The following PDE1A variants were observed in gnomAD, a reference collection of about 807,000 sequenced individuals.
PDE1A encodes dual specificity calcium/calmodulin-dependent 3',5'-cyclic nucleotide phosphodiesterase 1A.
Under a neutral mutation model 61.7 loss-of-function variants are expected in PDE1A, and 35 were observed. The observed-to-expected ratio is 0.57, with a 90% CI of 0.43 to 0.75. The LOEUF is 0.75. Ranked by LOEUF, PDE1A falls within the 30% of genes least tolerant of loss-of-function variation. PDE1A has a pLI of 0.00. For synonymous variants in PDE1A, 232 were observed against 213.2 expected (o/e 1.09, Z -0.77); for missense variants, 597 against 630.6 (o/e 0.95, Z 0.57).
intron 3 of PDE1A, among the ~76,000 whole-genome samples, chr2:182,238,402 G>C (rs1337303161): frequency 6.6e-6 from 1 of 152,060 alleles, no homozygotes; most frequent in African/African-American, 2.4e-5. Flanking sequence ...AGTTACTGTC[G>C]TATTTCTGAA....
the PDE1A span, among the ~76,000 whole-genome samples, chr2:182,626,738 C>CATATAT: frequency 7.2e-5 from 1 of 13,962 alleles, no homozygotes; most frequent in Non-Finnish European, 1.2e-4. Flanking sequence ...TATATATATA[C>CATATAT]ATATATATAC....
chr2:182,171,619 T>A (rs1050153928), intron 13 of PDE1A, among the ~76,000 whole-genome samples: 1 of 151,698 alleles, frequency 6.6e-6, no homozygotes, highest in East Asian at 1.9e-4. Flanking sequence ...ACAACAGAGC[T>A]TCCAATAATT....
At chr2:182,544,215 A>C in the PDE1A span, among the ~76,000 whole-genome samples, 1 of 152,200 alleles carries the variant, frequency 6.6e-6, no homozygotes, top group South Asian at 2.1e-4. Flanking sequence ...GGCAACCAAG[A>C]CTGGGTGATA....
At chr2:182,304,182 G>A (rs73038154) in intron 1 of PDE1A, among the ~76,000 whole-genome samples, 7,221 of 152,092 alleles carry the variant, frequency 0.047, 556 homozygotes, top group African/African-American at 0.16. Flanking sequence ...ATACCCGGCC[G>A]ATGGCTTCTT....
At chr2:182,376,209 T>A (rs947324139) in intron 1 of PDE1A, among the ~76,000 whole-genome samples, 1 of 152,250 alleles carries the variant, frequency 6.6e-6, no homozygotes, top group Non-Finnish European at 1.5e-5. Flanking sequence ...GGATTTTCCT[T>A]CCTATTGCAT....
At chr2:182,171,223 G>C (rs1378251767) in intron 13 of PDE1A, among the ~76,000 whole-genome samples, 1 of 151,998 alleles carries the variant, frequency 6.6e-6, no homozygotes, top group African/African-American at 2.4e-5. Context: ...CATAGGTACA[G>C]TGATTAACAT....
intron 2 of PDE1A, among the ~76,000 whole-genome samples, chr2:182,516,687 G>GGAAGGGA (rs1690172637): frequency 1.3e-5 from 1 of 76,914 alleles, no homozygotes; most frequent in African/African-American, 4.8e-5. Context: ...GAGGGAAGGA[G>GGAAGGGA]GGAAGGGAGG....
chr2:182,475,082 A>G (rs1051693089), intron 2 of PDE1A, among the ~76,000 whole-genome samples: 1 of 151,892 alleles, frequency 6.6e-6, no homozygotes, highest in African/African-American at 2.4e-5. Context: ...TCTCATCTCA[A>G]GGACTTGTCT....
At chr2:182,299,800 T>C (rs1460376852) in intron 1 of PDE1A, among the ~76,000 whole-genome samples, 1 of 152,170 alleles carries the variant, frequency 6.6e-6, no homozygotes, top group Admixed American at 6.5e-5. Context: ...TTCTTGATTA[T>C]ACACCAAGAT....
chr2:182,325,310 A>G (rs987632143), intron 1 of PDE1A, among the ~76,000 whole-genome samples: 9 of 152,198 alleles, frequency 5.9e-5, no homozygotes, highest in African/African-American at 2.2e-4. Context: ...AACATATACA[A>G]AAAGTAAAAA....
At chr2:182,283,139 T>C (rs1199104990) in intron 1 of PDE1A, among the ~76,000 whole-genome samples, 2 of 152,064 alleles carry the variant, frequency 1.3e-5, no homozygotes, top group Non-Finnish European at 2.9e-5. Flanking sequence ...CAACTCAATG[T>C]AATCGTTCCC....
the PDE1A span, among the ~76,000 whole-genome samples, chr2:182,583,535 C>T: frequency 6.6e-6 from 1 of 152,152 alleles, no homozygotes; most frequent in African/African-American, 2.4e-5. Context: ...GGAAAGTTTA[C>T]TTTTCCTTTG....
chr2:182,290,671 T>C (rs1404780517), intron 1 of PDE1A, among the ~76,000 whole-genome samples: 2 of 151,946 alleles, frequency 1.3e-5, no homozygotes, highest in Non-Finnish European at 2.9e-5. Flanking sequence ...ATCTAATCCA[T>C]CCTTTTTTAG....
At chr2:182,519,480 A>G (rs1009780886) in intron 2 of PDE1A, among the ~76,000 whole-genome samples, 7 of 152,026 alleles carry the variant, frequency 4.6e-5, no homozygotes, top group Non-Finnish European at 1.0e-4. Flanking sequence ...AGAGAAGTCT[A>G]CATCAGAATG....
At chr2:182,338,684 T>A (rs1453450787) in intron 1 of PDE1A, among the ~76,000 whole-genome samples, 1 of 151,968 alleles carries the variant, frequency 6.6e-6, no homozygotes, top group Non-Finnish European at 1.5e-5. Flanking sequence ...ACACCACGCC[T>A]GGCTAATTTT....
At chr2:182,624,104 G>C in the PDE1A span, among the ~76,000 whole-genome samples, 1 of 135,664 alleles carries the variant, frequency 7.4e-6, no homozygotes, top group African/African-American at 2.7e-5. Flanking sequence ...CAGCCTGGGG[G>C]ACAGAGCGAG....
chr2:182,694,512 C>A, the PDE1A span, among the ~76,000 whole-genome samples: 1 of 152,120 alleles, frequency 6.6e-6, no homozygotes, highest in African/African-American at 2.4e-5. Flanking sequence ...TGTAAAAGGG[C>A]AGTCAGGTTT....
At chr2:182,545,788 T>C in the PDE1A span, among the ~76,000 whole-genome samples, 8 of 152,146 alleles carry the variant, frequency 5.3e-5, no homozygotes, top group Non-Finnish European at 1.5e-5. Context: ...TTTCCAGGAG[T>C]TTATACTTCT....
At chr2:182,679,587 T>C in the PDE1A span, among the ~76,000 whole-genome samples, 1 of 151,976 alleles carries the variant, frequency 6.6e-6, no homozygotes, top group Non-Finnish European at 1.5e-5. Context: ...TTATTACGTG[T>C]CAATTACAAA....
Sources: allele counts gnomAD v4.1 joint callset (sites outside exome capture counted in the v4.1 genomes callset), GRCh38; gene constraint gnomAD v4.1.1; transcripts MANE v1.5; gene names NCBI Gene and HGNC (gene_info 2026-07-23, HGNC 2026-07-21).